The following DPP6 variants were observed in gnomAD, a reference collection of about 807,000 sequenced individuals.
DPP6 encodes dipeptidyl peptidase like 6.
A neutral mutation model predicts 122.6 loss-of-function variants in DPP6; 69 were observed. The ratio of observed to expected loss-of-function variants is 0.56; its 90% CI spans 0.46 to 0.69. DPP6 has a LOEUF of 0.69. Among genes scored for constraint, DPP6 ranks in the 30% least tolerant of loss-of-function variants. DPP6 has a pLI of 0.00. For synonymous variants in DPP6, 418 were observed against 433.1 expected (o/e 0.97, Z 0.43); for missense variants, 928 against 1,116.9 (o/e 0.83, Z 2.41).
rs879382463 is a variant in DPP6 at position 154,063,579 on chromosome 7, G to GCT, written c.243+10517_243+10518dup. On this transcript the variant is annotated intron_variant, in intron 1 of 25. Coordinates refer to ENST00000377770, the MANE Select transcript of DPP6 (RefSeq NM_130797.4). ...AGAGCTATCCCCTCTTCCGCCTCTG[G>GCT]CTGATAGTACCCCCATCGCAGTGAG... 2.3e-3 allele frequency among the ~76,000 whole-genome samples: 269 copies of GCT among 117,596 alleles called. 2 individuals carry two copies. Among genetic ancestry groups the GCT allele is most frequent in the Non-Finnish European group, 3.8e-3 (207 of 55,196 alleles). 77.1% of individuals were successfully genotyped at this position (117,596 alleles called of 152,430 possible).
intron 1 of DPP6, among the ~76,000 whole-genome samples, chr7:154,437,181 G>T (rs1563669331): frequency 6.6e-6 from 1 of 152,200 alleles, no homozygotes; most frequent in East Asian, 1.9e-4. Context: ...TTGCCTCTCT[G>T]CAGCCAATCA....
intron 1 of DPP6, among the ~76,000 whole-genome samples, chr7:154,237,935 A>G (rs575991298): frequency 3.3e-5 from 5 of 152,214 alleles, no homozygotes; most frequent in Non-Finnish European, 7.3e-5. Context: ...GTTGACATGC[A>G]GAGAGAATGA....
intron 1 of DPP6, among the ~76,000 whole-genome samples, chr7:154,133,972 C>T (rs1281160133): frequency 1.3e-5 from 2 of 151,642 alleles, no homozygotes; most frequent in Non-Finnish European, 2.9e-5. Context: ...GGACACACCC[C>T]ATGCTGGAAG....
chr7:153,769,037 A>G, the DPP6 span, among the ~76,000 whole-genome samples: 1 of 152,194 alleles, frequency 6.6e-6, no homozygotes, highest in Admixed American at 6.5e-5. Context: ...TCGGAATGGT[A>G]CCATACAGTA....
At chr7:154,017,836 A>C (rs1376271233) in intron 1 of DPP6, among the ~76,000 whole-genome samples, 2 of 151,870 alleles carry the variant, frequency 1.3e-5, no homozygotes, top group African/African-American at 4.8e-5. Context: ...TAATCCATAG[A>C]TACTCCTAAT....
intron 1 of DPP6, among the ~76,000 whole-genome samples, chr7:153,939,425 C>T (rs535975070): frequency 4.6e-5 from 7 of 152,318 alleles, no homozygotes; most frequent in African/African-American, 1.7e-4. Context: ...AGAGAGTGCA[C>T]AGCTTTCCAG....
intron 20 of DPP6, among the ~76,000 whole-genome samples, chr7:154,876,690 G>C (rs73487842): frequency 2.6e-5 from 4 of 152,228 alleles, no homozygotes; most frequent in Admixed American, 2.0e-4. Context: ...GCACCAAGGG[G>C]CAGATGCTCC....
intron 4 of DPP6, among the ~76,000 whole-genome samples, chr7:154,541,105 T>G (rs1437773068): frequency 6.6e-6 from 1 of 152,206 alleles, no homozygotes; most frequent in Non-Finnish European, 1.5e-5. Flanking sequence ...CACTGCTTTA[T>G]GATTTGGGAA....
chr7:154,495,034 A>G (rs1289072955), intron 3 of DPP6, among the ~76,000 whole-genome samples: 2 of 152,244 alleles, frequency 1.3e-5, no homozygotes, highest in Non-Finnish European at 2.9e-5. Flanking sequence ...TAACATTTGC[A>G]CATAACTAGG....
intron 1 of DPP6, among the ~76,000 whole-genome samples, chr7:154,379,391 G>T (rs1813400843): frequency 1.3e-5 from 2 of 152,104 alleles, no homozygotes; most frequent in Admixed American, 1.3e-4. Context: ...ATAGCATTAG[G>T]AGAAATACCT....
intron 12 of DPP6, among the ~76,000 whole-genome samples, chr7:154,798,242 C>T (rs1798159613): frequency 6.6e-6 from 1 of 152,194 alleles, no homozygotes; most frequent in Non-Finnish European, 1.5e-5. Context: ...GTGGTTCTGT[C>T]CTCCAGCGCT....
At chr7:154,033,070 A>G (rs549020030) in intron 1 of DPP6, among the ~76,000 whole-genome samples, 1 of 152,154 alleles carries the variant, frequency 6.6e-6, no homozygotes, top group East Asian at 1.9e-4. Context: ...AGTTAAGTCT[A>G]CATAGTTCCT....
intron 1 of DPP6, among the ~76,000 whole-genome samples, chr7:154,311,675 T>C (rs950878981): frequency 2.0e-5 from 3 of 152,088 alleles, no homozygotes; most frequent in Non-Finnish European, 4.4e-5. Flanking sequence ...GGTAGAATGA[T>C]CAAATCCAGA....
chr7:154,817,056 A>T (rs1006714032), intron 16 of DPP6, among the ~76,000 whole-genome samples: 1 of 152,186 alleles, frequency 6.6e-6, no homozygotes, highest in African/African-American at 2.4e-5. Context: ...GAGCTCCCAG[A>T]TGCCCCTCCT....
Position 154,241,743 on chromosome 7 carries a change from C to T in DPP6, c.243+188680C>T, listed in dbSNP as rs1297421394. ...AGCTAACACGTGTCTAACCTGTTTCCCATATTATGTTTTAAGTTTAAAAAG... is the reference window on the plus strand; with the variant it reads ...AGCTAACACGTGTCTAACCTGTTTCTCATATTATGTTTTAAGTTTAAAAAG... On this transcript the variant is annotated intron_variant, in intron 1 of 25. Transcript: ENST00000377770. The surrounding 1 kb of genome is among the most constrained non-coding windows in gnomAD (Gnocchi z 9.0). Among the ~76,000 whole-genome samples the T allele has an allele frequency of 6.6e-6, 1 of 152,084 alleles. No homozygotes were observed. The highest frequency in any genetic ancestry group is 6.6e-5 in the Admixed American group (1 of 15,264).
the DPP6 span, among the ~76,000 whole-genome samples, chr7:153,770,948 C>T: frequency 6.6e-6 from 1 of 152,060 alleles, no homozygotes; most frequent in Non-Finnish European, 1.5e-5. Context: ...ATAAAAGGAA[C>T]AGAGCATCCA....
intron 1 of DPP6, among the ~76,000 whole-genome samples, chr7:154,203,188 T>A (rs1799260494): frequency 6.6e-6 from 1 of 152,204 alleles, no homozygotes; most frequent in Non-Finnish European, 1.5e-5. Flanking sequence ...ATGCCCGGCA[T>A]ATAATGTTTG....
intron 1 of DPP6, among the ~76,000 whole-genome samples, chr7:154,134,152 A>C (rs1795426954): frequency 6.6e-6 from 1 of 152,072 alleles, no homozygotes. Context: ...TCTGGATAGC[A>C]CCCAGGGGAA....
intron 5 of DPP6, among the ~76,000 whole-genome samples, chr7:154,633,247 T>C (rs1422115908): frequency 1.3e-5 from 2 of 152,168 alleles, no homozygotes; most frequent in African/African-American, 2.4e-5. Flanking sequence ...TTTATTCATT[T>C]AGTTTTTGAG....
Sources: gnomAD v4.1 joint callset for allele counts (sites outside exome capture counted in the v4.1 genomes callset) on GRCh38, gnomAD v4.1.1 for gene constraint, Gnocchi (gnomAD v3.1) non-coding constraint, MANE v1.5 for transcripts, NCBI Gene and HGNC (gene_info 2026-07-23, HGNC 2026-07-21) for gene names.